PSG1: variants seen among roughly 807,000 people sequenced by gnomAD.
PSG1 encodes the protein pregnancy-specific beta-1-glycoprotein 1.
Under a neutral mutation model 41.4 loss-of-function variants are expected in PSG1, and 60 were observed. The observed-to-expected ratio is 1.45, with a 90% CI of 1.18 to 1.80. The LOEUF is 1.80. Ranked by LOEUF, PSG1 falls within the 40% of genes most tolerant of loss-of-function variation. The pLI is 0.00. For missense variants in PSG1, 806 were observed against 516.9 expected, an observed-to-expected ratio of 1.56 and a Z score of -5.42; for synonymous variants, 256 against 192.9, an observed-to-expected ratio of 1.33 and a Z score of -2.71.
chr19:42,874,352 G>GT (rs200749506), intron 2 of PSG1, among the ~76,000 whole-genome samples: 4,861 of 148,078 alleles, frequency 0.033, 311 homozygotes, highest in African/African-American at 0.11. Flanking sequence ...CTCTAACAGG[G>GT]TTTTTTTTTT....
intron 3 of PSG1, chr19:42,870,187 TTGAG>T (rs1971321557): frequency 1.3e-5 from 2 of 151,788 alleles, no homozygotes; most frequent in Non-Finnish European, 2.9e-5. Flanking sequence ...TTCACACAGA[TTGAG>T]TATTTCTTAT....
In PSG1 at chr19:42,878,241, G is replaced by A; in HGVS notation, c.102C>T (p.Ala34=). The A allele has an allele frequency of 6.2e-7, 1 of 1,610,026 alleles. No individual in the cohort carries two copies. Among genetic ancestry groups the A allele is most frequent in the Non-Finnish European group, 8.5e-7 (1 of 1,178,354 alleles). The change falls in exon 2 of 6, where the codon GCC becomes GCT. Residue 34 remains alanine, a synonymous_variant. Transcript: ENST00000436291. ...TTGGCTCGGCTTCAATCGTGACTTG[G>A]GCAGTGGTGGGCAGGTTCCAGAAGT... is the stretch of plus-strand genomic sequence containing the variant. ...LLNFWNLPTT[A]QVTIEAEPTK... is the part of the protein sequence containing the mutation.
At position 42,876,594 on chromosome 19, in the gene PSG1, A is replaced by G. The variant is rs181178606; in HGVS notation, c.430+1319T>C. 282 of 361,938 alleles carry G rather than the reference A, an allele frequency of 7.8e-4. 8 individuals are homozygous for G. The East Asian group carries it at 0.02, about 25-fold the overall frequency. 22.4% of individuals were successfully genotyped at this position (361,938 alleles called of 1,614,324 possible). A position where few individuals can be genotyped will look rare whatever the true frequency, so the allele number is the denominator to read the frequency against. On this transcript the variant is annotated intron_variant, in intron 2 of 5. Coordinates refer to ENST00000436291, the MANE Select transcript of PSG1 (RefSeq NM_001184825.2). ...TCTCGCTGGGCCTGTGGTGGTGTAGAGTGTGAGTGGGGAAAGAAAACAAGG... is the reference window on the plus strand; with the variant it reads ...TCTCGCTGGGCCTGTGGTGGTGTAGGGTGTGAGTGGGGAAAGAAAACAAGG...
Position 42,877,973 on chromosome 19 carries a change from T to C in PSG1, c.370A>G (p.Ile124Val), listed in dbSNP as rs1479633591. 9.9e-6 allele frequency: 16 copies of C among 1,612,232 alleles called. No individual in the cohort carries two copies. The highest frequency in any genetic ancestry group is 1.3e-5 in the African/African-American group (1 of 74,626). Residue 124 changes from isoleucine (I) to valine (V), a missense_variant, in exon 2 of 6, where the codon ATC becomes GTC. Transcript: ENST00000436291. ...CTAGTCCCATCATCTCCCTTTATGA[T>C]GTGTAAGGTGTAGGATCCTGCGTCC... is the stretch of plus-strand genomic sequence containing the variant. Reference protein sequence around the residue: ...REDAGSYTLHIIKGDDGTRGV... With the variant: ...REDAGSYTLHVIKGDDGTRGV...
intron 2 of PSG1, among the ~76,000 whole-genome samples, chr19:42,872,874 A>G (rs1971453430): frequency 6.6e-6 from 1 of 151,876 alleles, no homozygotes; most frequent in African/African-American, 2.4e-5. Context: ...ACTGGTGGAA[A>G]GGGCGATCAT....
At position 42,868,807 on chromosome 19, in the gene PSG1, G is replaced by A. The variant is rs138598374; in HGVS notation, c.937C>T (p.Arg313Trp). 139 of 1,611,626 alleles carry A rather than the reference G, an allele frequency of 8.6e-5. 3 individuals are homozygous for A. Among genetic ancestry groups the A allele is most frequent in the Non-Finnish European group, 1.1e-4 (125 of 1,178,984 alleles). The change falls in exon 4 of 6, where the codon CGG becomes TGG. Residue 313 changes from arginine to tryptophan, a missense_variant. By Grantham distance (101) the Arg-to-Trp change is moderately radical. Coordinates refer to ENST00000436291, the MANE Select transcript of PSG1 (RefSeq NM_001184825.2). ...CTGCGGATGCCACCATATCGGTCCC[G>A]TATTTCACATTGATAGGGTCCTGTT... ...NETGPYQCEI[R>W]DRYGGIRSDP...
chr19:42,879,242 T>A (rs773485648), intron 1 of PSG1, among the ~76,000 whole-genome samples: 14 of 150,106 alleles, frequency 9.3e-5, no homozygotes, highest in South Asian at 8.6e-4. Context: ...AACTTCTGCC[T>A]CCCGGGTTCA....
intron 3 of PSG1, 100 bp from the exon 4 acceptor site, chr19:42,869,134 C>T (rs1340315910): frequency 5.8e-6 from 9 of 1,556,456 alleles, no homozygotes; most frequent in Non-Finnish European, 6.9e-6. Context: ...CTCATTCCAC[C>T]CGAGTCCTTG....
chr19:42,875,231 A>G (rs1247603396), intron 2 of PSG1, among the ~76,000 whole-genome samples: 1 of 151,770 alleles, frequency 6.6e-6, no homozygotes, highest in Non-Finnish European at 1.5e-5. Context: ...TATGGTTTAA[A>G]CTTGAAGCAA....
intron 4 of PSG1, 48 bp from the exon 5 acceptor site, chr19:42,868,403 G>T (rs777944348): frequency 5.1e-6 from 8 of 1,556,572 alleles, no homozygotes; most frequent in Middle Eastern, 1.9e-4. Context: ...TGAGGGAAGG[G>T]GATGTTCCTG....
At chr19:42,867,676 T>C (rs778021880) in intron 5 of PSG1, 3 of 771,862 alleles carry the variant, frequency 3.9e-6, no homozygotes, top group Non-Finnish European at 7.1e-6. Context: ...TCTGGGGCAG[T>C]CAGGTAGAAA....
At position 42,873,733 on chromosome 19, in the gene PSG1, A is replaced by G. The variant is rs565983596; in HGVS notation, c.431-1688T>C. On this transcript the variant is annotated intron_variant, in intron 2 of 5. Transcript: ENST00000436291. The stretch of plus-strand genomic sequence containing the variant: ...AAGGACCGAACTGGTCAGTGCATCA[A>G]TTACATAAAGGGAGAAAGGATGTCA... Among the ~76,000 whole-genome samples, 179 of 151,840 alleles carry G rather than the reference A, an allele frequency of 1.2e-3. 3 individuals are homozygous for G. The highest frequency in any genetic ancestry group is 9.9e-4 in the Admixed American group (15 of 15,202).
chr19:42,879,651 T>C lies in PSG1; in HGVS notation c.-70A>G. 6.3e-7 allele frequency: 1 copy of C among 1,584,058 alleles called. No homozygotes were observed. The highest frequency in any genetic ancestry group is 8.6e-7 in the Non-Finnish European group (1 of 1,160,260). ...GATCCAGAAACTCTCTGAGCACGGCTGTCAGCTGTGCTGTCCTTCCTCTTT... is the reference window on the plus strand; with the variant it reads ...GATCCAGAAACTCTCTGAGCACGGCCGTCAGCTGTGCTGTCCTTCCTCTTT... On this transcript the variant is annotated 5_prime_UTR_variant, in exon 1 of 6. Transcript: ENST00000436291.
At position 42,875,462 on chromosome 19, in the gene PSG1, A is replaced by G. The variant is rs1037977827; in HGVS notation, c.430+2451T>C. ...CCTATAGATAACATCACTATTGTAG[A>G]ACGTGAGATTGGTCTTTTGAGATGT... On this transcript the variant is annotated intron_variant, in intron 2 of 5. Coordinates refer to ENST00000436291, the MANE Select transcript of PSG1 (RefSeq NM_001184825.2). Among the ~76,000 whole-genome samples, 39 of 151,692 alleles carry G rather than the reference A, an allele frequency of 2.6e-4. 1 individual carries two copies. Among genetic ancestry groups the G allele is most frequent in the African/African-American group, 9.2e-4 (38 of 41,258 alleles).
rs1268212369 is a variant in PSG1, at chr19:42,868,221, G to A, written c.1123C>T (p.Pro375Ser). 23 of 1,612,364 alleles carry A rather than the reference G, an allele frequency of 1.4e-5. 2 individuals carry two copies. The highest frequency in any genetic ancestry group is 1.9e-5 in the Non-Finnish European group (22 of 1,179,116). ...SWTINEKFQL[P>S]GQKLFIRHIT... is the part of the protein sequence containing the mutation. ...TGGCGGATAAAGAGCTTTTGTCCTG[G>A]TAGCTGAAACTTTTCATTAATTGTC... The change falls in exon 5 of 6, where the codon CCA becomes TCA. Residue 375 changes from proline (P) to serine (S), a missense_variant. By Grantham distance (74) the Pro-to-Ser change is moderately conservative. Coordinates refer to ENST00000436291, the MANE Select transcript of PSG1 (RefSeq NM_001184825.2).
chr19:42,874,620 C>T (rs1384898290), intron 2 of PSG1, among the ~76,000 whole-genome samples: 8 of 151,946 alleles, frequency 5.3e-5, no homozygotes, highest in East Asian at 3.9e-4. Context: ...GGATTATAGG[C>T]GTGAGCCACT....
chr19:42,871,980 T>C lies in PSG1; in HGVS notation c.496A>G (p.Ser166Gly), dbSNP rs1971410938. 1.2e-6 allele frequency: 2 copies of C among 1,612,280 alleles called. No homozygotes were observed. Among genetic ancestry groups the C allele is most frequent in the Non-Finnish European group, 1.7e-6 (2 of 1,179,188 alleles). The change falls in exon 3 of 6, where the codon AGC (serine) becomes GGC (glycine). Residue 166 changes from serine (S) to glycine (G), a missense_variant. Ser to Gly is a moderately conservative substitution (Grantham distance 56, BLOSUM62 0). Coordinates refer to ENST00000436291, the MANE Select transcript of PSG1 (RefSeq NM_001184825.2). ...GGAGTCTCAGGGTCACAGGTTAAGCTCACAGCCTCCATGGTCTCCCTGGGA... is the reference window on the plus strand; with the variant it reads ...GGAGTCTCAGGGTCACAGGTTAAGCCCACAGCCTCCATGGTCTCCCTGGGA... ...LNPRETMEAV[S>G]LTCDPETPDA... is the part of the protein sequence containing the mutation.
In PSG1 at chr19:42,871,951, G is replaced by C. The variant is rs113624203; in HGVS notation, c.525C>G (p.Asp175Glu). ...VSLTCDPETPDASYLWWMNGQ... is the reference protein window; with the variant it reads ...VSLTCDPETPEASYLWWMNGQ... ...CATTCATCCACCACAGGTAGCTTGC[G>C]TCTGGAGTCTCAGGGTCACAGGTTA... The change falls in exon 3 of 6, where the codon GAC becomes GAG. Residue 175 changes from aspartate to glutamate, a missense_variant. Physicochemically the swap from Asp to Glu is conservative, Grantham distance 45 (BLOSUM62 2). Coordinates refer to ENST00000436291, the MANE Select transcript of PSG1 (RefSeq NM_001184825.2). 4 of 1,612,290 alleles carry C rather than the reference G, an allele frequency of 2.5e-6. No individual in the cohort carries two copies. The Admixed American group carries it at 5.0e-5, about 20-fold the overall frequency.
chr19:42,875,719 G>C (rs1971574517), intron 2 of PSG1, among the ~76,000 whole-genome samples: 2 of 151,560 alleles, frequency 1.3e-5, no homozygotes, highest in South Asian at 2.1e-4. Context: ...AGGCTGATTT[G>C]AGTAATAATA....
Sources: gnomAD v4.1 joint callset for allele counts (sites outside exome capture counted in the v4.1 genomes callset) on GRCh38, gnomAD v4.1.1 for gene constraint, MANE v1.5 for transcripts, NCBI Gene and HGNC (gene_info 2026-07-23, HGNC 2026-07-21) for gene names.